The following NCOA3 variants were observed in gnomAD, a reference collection of about 807,000 sequenced individuals.
NCOA3 encodes nuclear receptor coactivator 3, also known as CBP-interacting protein.
Under a neutral mutation model 158.8 loss-of-function variants are expected in NCOA3, and 51 were observed. The ratio of observed to expected loss-of-function variants is 0.32; its 90% CI spans 0.26 to 0.41. The LOEUF is 0.41. Ranked by LOEUF, NCOA3 falls within the 10% of genes least tolerant of loss-of-function variation. The pLI is 1.00. For missense variants in NCOA3, 1,510 were observed against 1,746.6 expected (o/e 0.86, Z 2.41); for synonymous variants, 537 against 592.4 (o/e 0.91, Z 1.36).
At position 47,627,804 on chromosome 20, in the gene NCOA3, G is replaced by T; in HGVS notation, c.721+55G>T. The T allele has an allele frequency of 3.1e-6, 5 of 1,591,236 alleles. No individual in the cohort carries two copies. In the South Asian group the frequency reaches 5.6e-5, roughly 18 times the overall value. On this transcript the variant is annotated intron_variant, in intron 7 of 22. Transcript: ENST00000371998. ...ATGAAACAAATAGTGGCCATACTTG[G>T]AGTTTTGAAACTTGTGTTGTAACCC...
chr20:47,580,186 A>C (rs933045656), intron 1 of NCOA3, among the ~76,000 whole-genome samples: 1 of 152,056 alleles, frequency 6.6e-6, no homozygotes, highest in Admixed American at 6.6e-5. Context: ...CTGGAGTATT[A>C]ATCTAGGCCC....
At chr20:47,613,190 A>G (rs940442612) in intron 2 of NCOA3, among the ~76,000 whole-genome samples, 1 of 152,230 alleles carries the variant, frequency 6.6e-6, no homozygotes. Context: ...GATAGTGGAG[A>G]AGAAATTACC....
chr20:47,583,428 G>A (rs142431771), intron 2 of NCOA3, among the ~76,000 whole-genome samples, 167 bp downstream of exon 2: 63 of 152,072 alleles, frequency 4.1e-4, no homozygotes, highest in Middle Eastern at 3.4e-3. Context: ...GAGTGAATAC[G>A]TATGTGTATG....
At chr20:47,584,673 G>C (rs1375416538) in intron 2 of NCOA3, among the ~76,000 whole-genome samples, 1 of 151,286 alleles carries the variant, frequency 6.6e-6, no homozygotes, top group African/African-American at 2.4e-5. Context: ...TATTCATTAA[G>C]TGGATCATCA....
At chr20:47,512,210 A>G (rs1356779277) in intron 1 of NCOA3, among the ~76,000 whole-genome samples, 1 of 152,160 alleles carries the variant, frequency 6.6e-6, no homozygotes, top group East Asian at 1.9e-4. Context: ...AAACACAAAA[A>G]AAGTTTTTCT....
At chr20:47,562,958 T>G (rs1195333616) in intron 1 of NCOA3, among the ~76,000 whole-genome samples, 1 of 152,166 alleles carries the variant, frequency 6.6e-6, no homozygotes, top group East Asian at 1.9e-4. Context: ...GTTGGCCGGA[T>G]TGGTCTTGAA....
Position 47,522,099 on chromosome 20 carries a change from C to CTTTTTTTTTTTTTTTTTTTTTTTT in NCOA3, c.-99+20103_-99+20104insTTTTTTTTTTTTTTTTTTTTTTTT, listed in dbSNP as rs772811888. Among the ~76,000 whole-genome samples the CTTTTTTTTTTTTTTTTTTTTTTTT allele has an allele frequency of 5.5e-4, 42 of 76,816 alleles. 3 individuals are homozygous for CTTTTTTTTTTTTTTTTTTTTTTTT. The highest frequency in any genetic ancestry group is 8.8e-4 in the Non-Finnish European group (36 of 40,964). The allele number at this position is 76,816 out of a possible 152,430, so 50.4% of individuals were successfully genotyped here. A position where few individuals can be genotyped will look rare whatever the true frequency, so the allele number is the denominator to read the frequency against. On this transcript the variant is annotated intron_variant, in intron 1 of 22. Coordinates refer to ENST00000371998, the MANE Select transcript of NCOA3 (RefSeq NM_181659.3). Reference sequence around the variant, plus strand: ...GTTTTGTAGTTACCATTGTACAGATCTTTTTTTTTTTTTTTTTTTTTTTGA... The same window carrying CTTTTTTTTTTTTTTTTTTTTTTTT: ...GTTTTGTAGTTACCATTGTACAGATCTTTTTTTTTTTTTTTTTTTTTTTTTTTTTTTTTTTTTTTTTTTTTTTGA...
At chr20:47,545,327 C>T (rs1236469501) in intron 1 of NCOA3, among the ~76,000 whole-genome samples, 2 of 151,990 alleles carry the variant, frequency 1.3e-5, no homozygotes, top group African/African-American at 4.8e-5. Flanking sequence ...CAGGCATGTA[C>T]TACCACGCCC....
intron 2 of NCOA3, among the ~76,000 whole-genome samples, chr20:47,606,289 C>T (rs1001630346): frequency 6.6e-6 from 1 of 152,144 alleles, no homozygotes; most frequent in Non-Finnish European, 1.5e-5. Flanking sequence ...TTTAAGGGTT[C>T]TACATGGTTA....
At chr20:47,614,532 G>A (rs897853300) in intron 2 of NCOA3, among the ~76,000 whole-genome samples, 10 of 152,166 alleles carry the variant, frequency 6.6e-5, no homozygotes, top group African/African-American at 2.2e-4. Flanking sequence ...TCTAATTAGT[G>A]TATTTAATCA....
chr20:47,565,219 C>A (rs866419307), intron 1 of NCOA3, among the ~76,000 whole-genome samples: 6 of 152,172 alleles, frequency 3.9e-5, no homozygotes, highest in African/African-American at 1.4e-4. Context: ...GACCTCAAGT[C>A]ACACGCCTGC....
chr20:47,613,886 A>T lies in NCOA3; in HGVS notation c.-19-8343A>T, dbSNP rs72645229. Reference sequence around the variant, plus strand: ...GCGCTACTGCACTCTAGCCTGGGCGACAGAGCAAGACTCTGTCTTAAAAAA... The same window carrying T: ...GCGCTACTGCACTCTAGCCTGGGCGTCAGAGCAAGACTCTGTCTTAAAAAA... On this transcript the variant is annotated intron_variant, in intron 2 of 22. Transcript: ENST00000371998. 7.2e-3 allele frequency among the ~76,000 whole-genome samples: 1,093 copies of T among 151,818 alleles called. 21 individuals are homozygous for T. The highest frequency in any genetic ancestry group is 0.025 in the African/African-American group (1,036 of 41,346).
rs1435681874 is a variant in NCOA3 at position 47,622,114 on chromosome 20, GT to G, written c.-19-112del. Reference sequence around the variant, plus strand: ...TGAAAAAGAATATTGAGAATTATCTGTTTAGAGAAAGTAGTTCTGAATTAAA... The same window carrying G: ...TGAAAAAGAATATTGAGAATTATCTGTTAGAGAAAGTAGTTCTGAATTAAA... On this transcript the variant is annotated intron_variant, in intron 2 of 22. Coordinates refer to ENST00000371998, the MANE Select transcript of NCOA3 (RefSeq NM_181659.3). 7 of 575,808 alleles carry G rather than the reference GT, an allele frequency of 1.2e-5. No homozygotes were observed. In the Admixed American group the frequency reaches 1.5e-4, roughly 12 times the overall value. 35.7% of individuals were successfully genotyped at this position (575,808 alleles called of 1,614,324 possible). A position where few individuals can be genotyped will look rare whatever the true frequency, so the allele number is the denominator to read the frequency against.
chr20:47,501,946 G>A lies in NCOA3; in HGVS notation c.-172G>A, dbSNP rs562909487. ...CAGCGGCTGCGGCTTAGTCGGTGGC[G>A]GCCGGCGGCGGCTGCGGGCTGAGCG... On this transcript the variant is annotated 5_prime_UTR_variant, in exon 1 of 23. Transcript: ENST00000371998. 2.8e-4 allele frequency: 114 copies of A among 400,796 alleles called. No homozygotes were observed. Among genetic ancestry groups the A allele is most frequent in the African/African-American group, 2.3e-3 (111 of 48,724 alleles). 24.8% of individuals were successfully genotyped at this position (400,796 alleles called of 1,614,324 possible). A position where few individuals can be genotyped will look rare whatever the true frequency, so the allele number is the denominator to read the frequency against.
intron 8 of NCOA3, among the ~76,000 whole-genome samples, chr20:47,629,001 G>T (rs567784330): frequency 1.3e-5 from 2 of 152,282 alleles, no homozygotes; most frequent in African/African-American, 4.8e-5. Context: ...ATTTATAGCT[G>T]AGTCTGCCTG....
At chr20:47,518,750 A>G (rs886365204) in intron 1 of NCOA3, among the ~76,000 whole-genome samples, 1 of 152,116 alleles carries the variant, frequency 6.6e-6, no homozygotes, top group African/African-American at 2.4e-5. Flanking sequence ...AAGCTTATAA[A>G]AGGATTACTC....
rs72661194 is a variant in NCOA3, at chr20:47,539,701, A to G, written c.-99+37682A>G. ...CAAATTTCATCAAGTTTAAGATACC[A>G]TCAATTATAGAACACAACATTATTT... On this transcript the variant is annotated intron_variant, in intron 1 of 22. Transcript: ENST00000371998. Among the ~76,000 whole-genome samples the G allele has an allele frequency of 6.8e-4, 103 of 152,320 alleles. 2 individuals are homozygous for G. The highest frequency in any genetic ancestry group is 2.3e-3 in the African/African-American group (97 of 41,572).
At chr20:47,502,702 C>CGT (rs1556552776) in intron 1 of NCOA3, among the ~76,000 whole-genome samples, 1 of 139,326 alleles carries the variant, frequency 7.2e-6, no homozygotes. Flanking sequence ...TTTATTACTA[C>CGT]TTTTTTTTTT....
At chr20:47,647,914 G>GTTTTTTTTTTTTTT (rs1445300112) in intron 18 of NCOA3, among the ~76,000 whole-genome samples, 1 of 126,048 alleles carries the variant, frequency 7.9e-6, no homozygotes, top group Non-Finnish European at 1.7e-5. Flanking sequence ...TGTTTGTTTT[G>GTTTTTTTTTTTTTT]TTTTGTTTTT....
Sources: allele counts gnomAD v4.1 joint callset (sites outside exome capture counted in the v4.1 genomes callset), GRCh38; gene constraint gnomAD v4.1.1; transcripts MANE v1.5; gene names NCBI Gene and HGNC (gene_info 2026-07-23, HGNC 2026-07-21).